The following CCDC80 variants were observed in gnomAD, a reference collection of about 807,000 sequenced individuals.
CCDC80 encodes coiled-coil domain-containing protein 80.
In CCDC80, 49 loss-of-function variants were observed where a neutral mutation model predicts 78.7. That is an observed-to-expected ratio of 0.62 (90% confidence interval 0.50 to 0.79). The LOEUF is 0.79. Ranked by LOEUF, CCDC80 falls within the 30% of genes least tolerant of loss-of-function variation. The probability of loss-of-function intolerance (pLI) is 0.00; values close to 1 mark genes in which losing one functional copy is unlikely to be tolerated. For synonymous variants in CCDC80, 488 were observed against 447.0 expected, an observed-to-expected ratio of 1.09 and a Z score of -1.16; for missense variants, 1,205 against 1,198.6, an observed-to-expected ratio of 1.01 and a Z score of -0.08.
At chr3:112,636,557 GCT>G (rs1559881993) in intron 2 of CCDC80, among the ~76,000 whole-genome samples, 2 of 152,164 alleles carry the variant, frequency 1.3e-5, no homozygotes, top group Admixed American at 1.3e-4. Flanking sequence ...AAAGAACTTT[GCT>G]CTGAGTAATA....
rs1935779210 is a variant in CCDC80 at position 112,617,645 on chromosome 3, C to T, written c.2173-787G>A. On this transcript the variant is annotated intron_variant, in intron 4 of 7. Coordinates refer to ENST00000206423, the MANE Select transcript of CCDC80 (RefSeq NM_199511.3). Reference sequence around the variant, plus strand: ...GCAGAATTAACTAATGATGCCATTTCTCCAGATCCAGAAATATGTTGCATG... The same window carrying T: ...GCAGAATTAACTAATGATGCCATTTTTCCAGATCCAGAAATATGTTGCATG... 2.0e-5 allele frequency among the ~76,000 whole-genome samples: 3 copies of T among 152,238 alleles called. No individual in the cohort carries two copies. The South Asian group carries it at 6.2e-4, about 31-fold the overall frequency.
Position 112,600,766 on chromosome 3 carries a change from A to G in CCDC80, c.*4651T>C, listed in dbSNP as rs1454998406. The G allele has an allele frequency of 2.0e-5, 3 of 152,370 alleles. No homozygotes were observed. Among genetic ancestry groups the G allele is most frequent in the Admixed American group, 2.0e-4 (3 of 15,296 alleles). 9.4% of individuals were successfully genotyped at this position (152,370 alleles called of 1,614,324 possible). On this transcript the variant is annotated 3_prime_UTR_variant, in exon 8 of 8. Coordinates refer to ENST00000206423, the MANE Select transcript of CCDC80 (RefSeq NM_199511.3). Reference sequence around the variant, plus strand: ...CGACCCGCTCACCTTGGCCTCCCAAAGTGCTGGGATTACAGGTGTGAGCCC... The same window carrying G: ...CGACCCGCTCACCTTGGCCTCCCAAGGTGCTGGGATTACAGGTGTGAGCCC...
At chr3:112,620,838 A>G (rs1434872063) in intron 3 of CCDC80, among the ~76,000 whole-genome samples, 1 of 152,244 alleles carries the variant, frequency 6.6e-6, no homozygotes, top group African/African-American at 2.4e-5. Context: ...TACAATTTTT[A>G]ATTCCCAACA....
intron 5 of CCDC80, among the ~76,000 whole-genome samples, chr3:112,612,060 T>A (rs1553919): frequency 0.44 from 62,981 of 144,516 alleles, 14,573 homozygotes; most frequent in Middle Eastern, 0.56. Context: ...TTTTTTTTTT[T>A]TAAAAAGGGA....
In CCDC80 at chr3:112,619,092, G is replaced by T; in HGVS notation, c.2048C>A (p.Pro683His). The change falls in exon 4 of 8, where the codon CCC becomes CAC. Residue 683 changes from proline to histidine, a missense_variant. Coordinates refer to ENST00000206423, the MANE Select transcript of CCDC80 (RefSeq NM_199511.3). ...IDHFQLDNEKPMRVVDDEDLV... is the reference protein window; with the variant it reads ...IDHFQLDNEKHMRVVDDEDLV... ...GTCTTCATCATCCACCACTCGCATG[G>T]GCTTCTCATTATCTTAAGGGAAATA... 6.3e-7 allele frequency: 1 copy of T among 1,588,894 alleles called. No individual in the cohort carries two copies. The highest frequency in any genetic ancestry group is 2.2e-5 in the East Asian group (1 of 44,482).
intron 6 of CCDC80, among the ~76,000 whole-genome samples, chr3:112,608,273 C>T (rs1935553065): frequency 6.6e-6 from 1 of 152,122 alleles, no homozygotes; most frequent in African/African-American, 2.4e-5. Flanking sequence ...TGTTTATTGT[C>T]CAGGAGAGAA....
chr3:112,620,546 A>G (rs1016415538), intron 3 of CCDC80, among the ~76,000 whole-genome samples: 3 of 152,160 alleles, frequency 2.0e-5, no homozygotes, highest in Admixed American at 1.3e-4. Context: ...AATGCATAAT[A>G]TGACTTTATT....
Position 112,604,514 on chromosome 3 carries a change from C to T in CCDC80, c.*903G>A, listed in dbSNP as rs1055701484. On this transcript the variant is annotated 3_prime_UTR_variant, in exon 8 of 8. Coordinates refer to ENST00000206423, the MANE Select transcript of CCDC80 (RefSeq NM_199511.3). ...AAGCTATTATACACTTAATAGACTA[C>T]TAAAGAGTGTAAACATAACTTTTAT... 14 of 149,894 alleles carry T rather than the reference C, an allele frequency of 9.3e-5. No individual in the cohort carries two copies. The highest frequency in any genetic ancestry group is 3.4e-4 in the African/African-American group (14 of 40,998). The allele number at this position is 149,894 out of a possible 1,614,324, so 9.3% of individuals were successfully genotyped here.
intron 3 of CCDC80, among the ~76,000 whole-genome samples, chr3:112,628,660 T>C (rs1409331683): frequency 6.6e-6 from 1 of 152,212 alleles, no homozygotes; most frequent in African/African-American, 2.4e-5. Context: ...ATTTTGTGTC[T>C]TTTGTTTGTA....
At chr3:112,610,261 A>G (rs1231674278) in intron 5 of CCDC80, 180 bp from the exon 6 acceptor site, 1 of 619,706 alleles carries the variant, frequency 1.6e-6, no homozygotes, top group Non-Finnish European at 2.9e-6. Context: ...ACACTCCTGT[A>G]GTTTTTCTGT....
Position 112,605,621 on chromosome 3 carries a change from C to T in CCDC80, c.2649G>A (p.Met883Ile), listed in dbSNP as rs1359712970. ...AATCGTACACAATCACCATGGACCA[C>T]ATTGGGGAAGGATACCAGGATTTGA... ...GNVKSWYPSPMWSMVIVYDLI... is the reference protein window; with the variant it reads ...GNVKSWYPSPIWSMVIVYDLI... Residue 883 changes from methionine (M) to isoleucine (I), a missense_variant, in exon 8 of 8, where the codon ATG (methionine) becomes ATA (isoleucine). Met to Ile is a conservative substitution (Grantham distance 10). Transcript: ENST00000206423. 3 of 1,614,092 alleles carry T rather than the reference C, an allele frequency of 1.9e-6. No individual in the cohort carries two copies. Among genetic ancestry groups the T allele is most frequent in the Admixed American group, 3.3e-5 (2 of 60,008 alleles).
chr3:112,623,423 T>C (rs1339333380), intron 3 of CCDC80, among the ~76,000 whole-genome samples: 1 of 152,172 alleles, frequency 6.6e-6, no homozygotes. Flanking sequence ...TTCAGGCAAT[T>C]CCACTAATGC....
intron 2 of CCDC80, among the ~76,000 whole-genome samples, chr3:112,633,560 G>A (rs1036077960): frequency 1.3e-5 from 2 of 152,152 alleles, no homozygotes; most frequent in African/African-American, 4.8e-5. Flanking sequence ...ACACTCCTCC[G>A]GTTATATAGA....
At chr3:112,630,337 A>C (rs1372500448) in intron 2 of CCDC80, 68 bp from the exon 3 acceptor site, 29 of 1,478,354 alleles carry the variant, frequency 2.0e-5, no homozygotes, top group Non-Finnish European at 2.5e-5. Context: ...CAAAACCCAA[A>C]GAGATGATTT....
chr3:112,628,463 ATGG>A (rs771642373), intron 3 of CCDC80, among the ~76,000 whole-genome samples: 15 of 152,188 alleles, frequency 9.9e-5, no homozygotes, highest in Non-Finnish European at 1.6e-4. Flanking sequence ...ACCAGATCAA[ATGG>A]TGATGCAGAG....
At chr3:112,627,865 A>AG (rs1414400142) in intron 3 of CCDC80, among the ~76,000 whole-genome samples, 1 of 114,670 alleles carries the variant, frequency 8.7e-6, no homozygotes, top group Non-Finnish European at 2.0e-5. Context: ...CCAATAAGGC[A>AG]GAAAAAAAAA....
At chr3:112,627,736 C>T (rs1936005178) in intron 3 of CCDC80, among the ~76,000 whole-genome samples, 1 of 151,838 alleles carries the variant, frequency 6.6e-6, no homozygotes, top group South Asian at 2.1e-4. Context: ...GGACATGACA[C>T]AAGGAAAGAG....
chr3:112,627,128 C>T (rs185929727), intron 3 of CCDC80, among the ~76,000 whole-genome samples: 2 of 152,242 alleles, frequency 1.3e-5, no homozygotes, highest in East Asian at 1.9e-4. Context: ...CTGTGCATTT[C>T]CCCCCACTTC....
intron 3 of CCDC80, among the ~76,000 whole-genome samples, chr3:112,621,328 A>G (rs530935144): frequency 4.5e-4 from 68 of 152,304 alleles, no homozygotes; most frequent in African/African-American, 1.5e-3. Context: ...AGGTTTAGTC[A>G]AGCCAAGTTA....
Sources: gnomAD v4.1 joint callset for allele counts (sites outside exome capture counted in the v4.1 genomes callset) on GRCh38, gnomAD v4.1.1 for gene constraint, MANE v1.5 for transcripts, NCBI Gene and HGNC (gene_info 2026-07-23, HGNC 2026-07-21) for gene names.